Variants in PDZRN4 observed in about 807,000 individuals in gnomAD.
PDZRN4 encodes the protein PDZ domain-containing RING finger protein 4.
PDZRN4 carries 70 observed loss-of-function variants against 99.0 expected under a neutral mutation model. The observed-to-expected ratio is 0.71, with a 90% confidence interval of 0.58 to 0.86. PDZRN4 has a LOEUF of 0.86. Among genes scored for constraint, PDZRN4 ranks in the 40% least tolerant of loss-of-function variants. The probability of loss-of-function intolerance (pLI) is 0.00; values close to 1 mark genes in which losing one functional copy is unlikely to be tolerated. For missense variants in PDZRN4, 1,474 were observed against 1,331.2 expected (o/e 1.11, Z -1.67); for synonymous variants, 551 against 501.6 (o/e 1.10, Z -1.32).
intron 3 of PDZRN4, among the ~76,000 whole-genome samples, chr12:41,270,295 GTGTGTCT>G (rs1951306007): frequency 1.3e-5 from 2 of 148,966 alleles, no homozygotes; most frequent in African/African-American, 5.0e-5. Flanking sequence ...TGGTGTGTGT[GTGTGTCT>G]GTGTGTGTGG....
In PDZRN4 at chr12:41,435,273, T is replaced by C. The variant is rs74078841; in HGVS notation, c.844-71183T>C. ...CTTTTTGATAAATAAGAAAATATTT[T>C]TAAAGCTATGATTGTTTCATTGTTC... On this transcript the variant is annotated intron_variant, in intron 3 of 9. Coordinates refer to ENST00000402685, the MANE Select transcript of PDZRN4 (RefSeq NM_001164595.2). 3.9e-3 allele frequency among the ~76,000 whole-genome samples: 598 copies of C among 152,320 alleles called. 2 individuals carry two copies. Among genetic ancestry groups the C allele is most frequent in the African/African-American group, 0.014 (580 of 41,588 alleles).
Position 41,188,692 on chromosome 12 carries a change from C to T in PDZRN4, c.237C>T (p.Val79=). Residue 79 remains valine, a synonymous_variant, in exon 1 of 10, where the codon GTC becomes GTT. Coordinates refer to ENST00000402685, the MANE Select transcript of PDZRN4 (RefSeq NM_001164595.2). ...PLRSLIQKLR[V]QCDYRARGCG... ...GCAGCCTCATCCAGAAGCTGCGAGT[C>T]CAGTGCGACTACCGCGCCCGCGGCT... 3 of 1,558,104 alleles carry T rather than the reference C, an allele frequency of 1.9e-6. No individual in the cohort carries two copies. The highest frequency in any genetic ancestry group is 2.6e-6 in the Non-Finnish European group (3 of 1,161,536).
At chr12:41,522,620 C>T (rs1938511931) in intron 5 of PDZRN4, among the ~76,000 whole-genome samples, 1 of 152,066 alleles carries the variant, frequency 6.6e-6, no homozygotes, top group South Asian at 2.1e-4. Flanking sequence ...GTTTTATATG[C>T]AGGTTCTATT....
At chr12:41,283,170 GATAAAGGGGA>G (rs1951400610) in intron 3 of PDZRN4, among the ~76,000 whole-genome samples, 1 of 152,074 alleles carries the variant, frequency 6.6e-6, no homozygotes, top group African/African-American at 2.4e-5. Context: ...AATAAAAAAT[GATAAAGGGGA>G]TATGACCACT....
chr12:41,520,680 G>A (rs974658780), intron 5 of PDZRN4, among the ~76,000 whole-genome samples: 4 of 148,274 alleles, frequency 2.7e-5, no homozygotes, highest in Admixed American at 6.7e-5. Context: ...TAACTCAGCC[G>A]CATTATTGGC....
intron 3 of PDZRN4, among the ~76,000 whole-genome samples, chr12:41,398,035 C>A (rs1952262683): frequency 6.6e-6 from 1 of 152,088 alleles, no homozygotes; most frequent in Admixed American, 6.6e-5. Flanking sequence ...CTGTTTGGAT[C>A]TCTGAGATGA....
intron 3 of PDZRN4, among the ~76,000 whole-genome samples, chr12:41,320,996 T>C (rs1442764045): frequency 2.0e-5 from 3 of 152,176 alleles, no homozygotes; most frequent in Non-Finnish European, 4.4e-5. Context: ...AAAATATAAT[T>C]AGATATTACA....
chr12:41,222,059 G>A (rs988832843), intron 3 of PDZRN4, among the ~76,000 whole-genome samples: 1 of 152,136 alleles, frequency 6.6e-6, no homozygotes, highest in Non-Finnish European at 1.5e-5. Context: ...ATTCCTTCAC[G>A]TGGAGTTGAT....
chr12:41,481,866 T>A (rs1263490643), intron 3 of PDZRN4, among the ~76,000 whole-genome samples: 4 of 152,188 alleles, frequency 2.6e-5, no homozygotes, highest in African/African-American at 9.6e-5. Context: ...TTTCTCTATG[T>A]AGAGTAAGCA....
intron 3 of PDZRN4, among the ~76,000 whole-genome samples, chr12:41,331,295 A>G (rs1307268729): frequency 6.6e-6 from 1 of 152,092 alleles, no homozygotes; most frequent in Non-Finnish European, 1.5e-5. Context: ...ATAATTTTCT[A>G]TATTTCGGTA....
At chr12:41,429,491 T>C (rs1952567301) in intron 3 of PDZRN4, among the ~76,000 whole-genome samples, 1 of 152,202 alleles carries the variant, frequency 6.6e-6, no homozygotes, top group Non-Finnish European at 1.5e-5. Flanking sequence ...GGGGAAATCC[T>C]TACATCTCAG....
chr12:41,234,427 G>A (rs1448061292), intron 3 of PDZRN4, among the ~76,000 whole-genome samples: 2 of 152,038 alleles, frequency 1.3e-5, no homozygotes, highest in Non-Finnish European at 2.9e-5. Flanking sequence ...TAGGCTGAGG[G>A]TATGGGTGTA....
chr12:41,255,341 C>T (rs958101279), intron 3 of PDZRN4, among the ~76,000 whole-genome samples: 1 of 152,118 alleles, frequency 6.6e-6, no homozygotes, highest in Non-Finnish European at 1.5e-5. Flanking sequence ...GATAATTAAG[C>T]CAAGACAACA....
At chr12:41,293,389 C>T (rs1028748126) in intron 3 of PDZRN4, among the ~76,000 whole-genome samples, 2 of 151,484 alleles carry the variant, frequency 1.3e-5, no homozygotes, top group Admixed American at 1.3e-4. Flanking sequence ...TGAGCTAGCT[C>T]CTTCCCCACT....
At position 41,188,817 on chromosome 12, in the gene PDZRN4, G is replaced by A. The variant is rs74955204; in HGVS notation, c.362G>A (p.Gly121Glu). 0.02 allele frequency: 26,192 copies of A among 1,331,720 alleles called. 387 individuals are homozygous for A. The highest frequency in any genetic ancestry group is 0.07 in the East Asian group (2,238 of 31,874). 82.5% of individuals were successfully genotyped at this position (1,331,720 alleles called of 1,614,324 possible). A position where few individuals can be genotyped will look rare whatever the true frequency, so the allele number is the denominator to read the frequency against. The change falls in exon 1 of 10, where the codon GGG becomes GAG. Residue 121 changes from glycine (G) to glutamate (E), a missense_variant. Gly to Glu is a moderately conservative substitution (Grantham distance 98). Transcript: ENST00000402685. ...RLRSRGGCAS[G>E]LGGGEVPARG... is the part of the protein sequence containing the mutation. ...CGCAGCCGCGGGGGCTGCGCTTCGG[G>A]GCTGGGCGGTGGTGAGGTGCCCGCG...
At position 41,574,210 on chromosome 12, in the gene PDZRN4, T is replaced by C. The variant is rs1489087552; in HGVS notation, c.*320T>C. ...AATTAATTTCCTACTTCAATGTATC[T>C]AATGTAAGTGAAAATCTGGATTTAT... On this transcript the variant is annotated 3_prime_UTR_variant, in exon 10 of 10. Coordinates refer to ENST00000402685, the MANE Select transcript of PDZRN4 (RefSeq NM_001164595.2). The C allele has an allele frequency of 5.4e-6, 1 of 185,636 alleles. No individual in the cohort carries two copies. Among genetic ancestry groups the C allele is most frequent in the African/African-American group, 2.3e-5 (1 of 42,858 alleles). 11.5% of individuals were successfully genotyped at this position (185,636 alleles called of 1,614,324 possible).
intron 5 of PDZRN4, among the ~76,000 whole-genome samples, chr12:41,552,164 T>G (rs1026812612): frequency 6.6e-6 from 1 of 152,270 alleles, no homozygotes; most frequent in East Asian, 1.9e-4. Context: ...TATTATCATA[T>G]TGTGTAGAAC....
intron 3 of PDZRN4, among the ~76,000 whole-genome samples, chr12:41,233,837 C>G (rs903026741): frequency 6.6e-6 from 1 of 151,646 alleles, no homozygotes; most frequent in Non-Finnish European, 1.5e-5. Flanking sequence ...ATACCTAATA[C>G]TAAATGATGA....
chr12:41,497,414 C>A (rs115448665), intron 3 of PDZRN4, among the ~76,000 whole-genome samples: 2 of 151,970 alleles, frequency 1.3e-5, no homozygotes, highest in Admixed American at 1.3e-4. Flanking sequence ...TTCCTTGTTA[C>A]GTTTTAAATA....
Sources: gnomAD v4.1 joint callset for allele counts (sites outside exome capture counted in the v4.1 genomes callset) on GRCh38, gnomAD v4.1.1 for gene constraint, MANE v1.5 for transcripts, NCBI Gene and HGNC (gene_info 2026-07-23, HGNC 2026-07-21) for gene names.